PCDHGB5: variants seen among roughly 807,000 people sequenced by gnomAD.
PCDHGB5 encodes protocadherin gamma subfamily B, 5.
PCDHGB5 carries 48 observed loss-of-function variants against 62.9 expected under a neutral mutation model. That is an observed-to-expected ratio of 0.76 (90% CI 0.61 to 0.97). PCDHGB5 has a LOEUF of 0.97. Ranked by LOEUF, PCDHGB5 falls within the 50% of genes least tolerant of loss-of-function variation. The pLI, the probability that PCDHGB5 is intolerant of heterozygous loss-of-function variation, is 0.00. For missense variants in PCDHGB5, 1,118 were observed against 1,198.6 expected (o/e 0.93, Z 0.99); for synonymous variants, 474 against 511.2 (o/e 0.93, Z 0.98).
intron 1 of PCDHGB5, among the ~76,000 whole-genome samples, chr5:141,467,296 A>T (rs1032802325): frequency 1.3e-5 from 2 of 151,740 alleles, no homozygotes; most frequent in South Asian, 4.2e-4. Flanking sequence ...CAAGTGATCC[A>T]CTCACCTCGG....
intron 1 of PCDHGB5, chr5:141,413,664 T>A: frequency 6.2e-7 from 1 of 1,613,858 alleles, no homozygotes; most frequent in Non-Finnish European, 8.5e-7. Flanking sequence ...AAGCTATTGA[T>A]CCGGATGTGG....
intron 1 of PCDHGB5, among the ~76,000 whole-genome samples, chr5:141,445,156 GT>G (rs1248104914): frequency 6.6e-6 from 1 of 152,018 alleles, no homozygotes; most frequent in Non-Finnish European, 1.5e-5. Flanking sequence ...TTCATTTCTA[GT>G]TTACAGAAAA....
chr5:141,403,263 T>A, intron 1 of PCDHGB5: 1 of 1,613,872 alleles, frequency 6.2e-7, no homozygotes, highest in East Asian at 2.2e-5. Flanking sequence ...CGGTGTCTGG[T>A]GAACTTTAAA....
chr5:141,492,787 G>A (rs1308203463), intron 1 of PCDHGB5, among the ~76,000 whole-genome samples: 2 of 152,254 alleles, frequency 1.3e-5, no homozygotes, highest in Admixed American at 6.5e-5. Context: ...AGCCTCTATA[G>A]GACAGCAGGA....
chr5:141,494,923 G>A lies in PCDHGB5; in HGVS notation c.2456+58G>A, dbSNP rs572227346. Reference sequence around the variant, plus strand: ...TCTGCGGCATTTTCTCAGGGATGACGTGGGAGGAGATGGGGGAGGGCCCAG... The same window carrying A: ...TCTGCGGCATTTTCTCAGGGATGACATGGGAGGAGATGGGGGAGGGCCCAG... On this transcript the variant is annotated intron_variant, in intron 2 of 3. Coordinates refer to ENST00000617380, the MANE Select transcript of PCDHGB5 (RefSeq NM_018925.3). The A allele has an allele frequency of 8.9e-5, 143 of 1,613,698 alleles. 1 individual carries two copies. In the Middle Eastern group the frequency reaches 1.8e-3, roughly 20 times the overall value.
chr5:141,435,973 G>T (rs1420195337), intron 1 of PCDHGB5, among the ~76,000 whole-genome samples: 1 of 152,028 alleles, frequency 6.6e-6, no homozygotes, highest in East Asian at 1.9e-4. Context: ...AGAGTGTGTG[G>T]TTCTACTTGT....
intron 1 of PCDHGB5, among the ~76,000 whole-genome samples, chr5:141,447,993 T>A (rs2098557542): frequency 6.6e-6 from 1 of 151,554 alleles, no homozygotes; most frequent in Non-Finnish European, 1.5e-5. Context: ...GGCTGAGGCA[T>A]GAGAATCGCT....
intron 1 of PCDHGB5, among the ~76,000 whole-genome samples, chr5:141,452,689 C>G (rs1198702467): frequency 6.6e-6 from 1 of 151,562 alleles, no homozygotes; most frequent in Non-Finnish European, 1.5e-5. Context: ...AGAATGAAAC[C>G]CTGTCAAGAA....
rs2099605934 is a variant in PCDHGB5, at chr5:141,485,057, C to G, written c.2398-9750C>G. On this transcript the variant is annotated intron_variant, in intron 1 of 3. Transcript: ENST00000617380. The surrounding 1 kb of genome is among the most constrained non-coding windows in gnomAD (Gnocchi z 5.7). ...GTAACCCTTGCGGCGCCGGCCGAAC[C>G]GCGCCAGAGCTGGCGCGGGGAAAGG... The G allele has an allele frequency of 1.2e-6, 1 of 843,720 alleles. No homozygotes were observed. Among genetic ancestry groups the G allele is most frequent in the Non-Finnish European group, 1.9e-6 (1 of 524,586 alleles). 52.3% of individuals were successfully genotyped at this position (843,720 alleles called of 1,614,324 possible).
chr5:141,402,785 CG>C, intron 1 of PCDHGB5: 1 of 904,572 alleles, frequency 1.1e-6, no homozygotes, highest in South Asian at 2.1e-5. Context: ...TCCAGTTCTG[CG>C]GCTACACAAA....
At chr5:141,450,006 C>CTTT (rs1554136305) in intron 1 of PCDHGB5, among the ~76,000 whole-genome samples, 1 of 132,986 alleles carries the variant, frequency 7.5e-6, no homozygotes, top group Non-Finnish European at 1.6e-5. Context: ...TGCCATGTCT[C>CTTT]TTTTTTTTTT....
chr5:141,491,747 G>C lies in PCDHGB5; in HGVS notation c.2398-3060G>C. 6.3e-7 allele frequency: 1 copy of C among 1,591,872 alleles called. No homozygotes were observed. The highest frequency in any genetic ancestry group is 8.5e-7 in the Non-Finnish European group (1 of 1,170,328). ...CGGGCGACCCCTGGGGGCGGCACTG[G>C]AGAAGCCGCCCGTCCTCATAAGGGA... On this transcript the variant is annotated intron_variant, in intron 1 of 3. Transcript: ENST00000617380. This position sits in a 1 kb window ranked among gnomAD's most constrained non-coding sequence, Gnocchi z 6.9.
At chr5:141,430,351 A>G (rs923321842) in intron 1 of PCDHGB5, among the ~76,000 whole-genome samples, 5 of 152,046 alleles carry the variant, frequency 3.3e-5, no homozygotes, top group African/African-American at 1.2e-4. Flanking sequence ...CAATTCATTT[A>G]AAAGCTCATT....
At position 141,486,543 on chromosome 5, in the gene PCDHGB5, A is replaced by G; in HGVS notation, c.2398-8264A>G. Reference sequence around the variant, plus strand: ...AATGATAATCCACCCTCTTTCTTTCAGAGGTCACATGAGGTGTTTGTTCCT... The same window carrying G: ...AATGATAATCCACCCTCTTTCTTTCGGAGGTCACATGAGGTGTTTGTTCCT... On this transcript the variant is annotated intron_variant, in intron 1 of 3. Transcript: ENST00000617380. This position sits in a 1 kb window ranked among gnomAD's most constrained non-coding sequence, Gnocchi z 5.0. 6.2e-7 allele frequency: 1 copy of G among 1,614,080 alleles called. No individual in the cohort carries two copies. Among genetic ancestry groups the G allele is most frequent in the Non-Finnish European group, 8.5e-7 (1 of 1,180,020 alleles).
intron 1 of PCDHGB5, chr5:141,404,646 C>G (rs1461001534): frequency 3.1e-6 from 5 of 1,614,208 alleles, no homozygotes; most frequent in Non-Finnish European, 3.4e-6. Flanking sequence ...ATCCTGTACC[C>G]TGCCCTCCCC....
chr5:141,405,575 G>T, intron 1 of PCDHGB5: 2 of 598,040 alleles, frequency 3.3e-6, no homozygotes, highest in Non-Finnish European at 5.9e-6. Flanking sequence ...GAGTAGAGTA[G>T]CTGGGACTAC....
At chr5:141,420,073 G>A (rs2096463936) in intron 1 of PCDHGB5, 23 of 1,613,964 alleles carry the variant, frequency 1.4e-5, no homozygotes, top group Non-Finnish European at 1.9e-5. Context: ...CCGGACCTGT[G>A]GGTCCCCCCA....
chr5:141,496,306 C>T (rs1380057886), intron 2 of PCDHGB5, among the ~76,000 whole-genome samples: 1 of 152,202 alleles, frequency 6.6e-6, no homozygotes, highest in South Asian at 2.1e-4. Flanking sequence ...ATAGGCTCTG[C>T]GCCAGGCCTC....
rs1299573831 is a variant in PCDHGB5 at position 141,500,662 on chromosome 5, T to A, written c.2457-4731T>A. 5.3e-5 allele frequency among the ~76,000 whole-genome samples: 8 copies of A among 152,352 alleles called. No homozygotes were observed. The East Asian group carries it at 1.5e-3, about 29-fold the overall frequency. ...TTTTTAAAAATAGCAACTGAGGCCA[T>A]ACTGTCCAACAGAATTATAGCTTTT... On this transcript the variant is annotated intron_variant, in intron 2 of 3. Coordinates refer to ENST00000617380, the MANE Select transcript of PCDHGB5 (RefSeq NM_018925.3).
Sources: gnomAD v4.1 joint callset for allele counts (sites outside exome capture counted in the v4.1 genomes callset) on GRCh38, gnomAD v4.1.1 for gene constraint, Gnocchi (gnomAD v3.1) non-coding constraint, MANE v1.5 for transcripts, NCBI Gene and HGNC (gene_info 2026-07-23, HGNC 2026-07-21) for gene names.